FER: variants seen among roughly 807,000 people sequenced by gnomAD.
The protein encoded by FER is FER tyrosine kinase, also known as tyrosine-protein kinase Fer.
A neutral mutation model predicts 111.0 loss-of-function variants in FER; 63 were observed. That is an observed-to-expected ratio of 0.57 (90% confidence interval 0.46 to 0.70). The LOEUF is 0.70. FER is among the 30% of genes least tolerant of loss of function. The pLI is 0.00. For missense variants in FER, 914 were observed against 954.0 expected, an observed-to-expected ratio of 0.96 and a Z score of 0.55; for synonymous variants, 327 against 313.9, an observed-to-expected ratio of 1.04 and a Z score of -0.44.
intron 5 of FER, among the ~76,000 whole-genome samples, chr5:108,837,496 T>C (rs1760791304): frequency 6.6e-6 from 1 of 152,212 alleles, no homozygotes; most frequent in Non-Finnish European, 1.5e-5. Flanking sequence ...GCTAGCATTC[T>C]CAAGTTAATT....
intron 10 of FER, among the ~76,000 whole-genome samples, chr5:108,934,868 A>C (rs1184949086): frequency 6.6e-6 from 1 of 152,136 alleles, no homozygotes; most frequent in Non-Finnish European, 1.5e-5. Context: ...GTTAGAGATA[A>C]TGTTCTAAAA....
intron 1 of FER, among the ~76,000 whole-genome samples, chr5:108,757,797 G>A (rs1207920364): frequency 6.6e-6 from 1 of 152,156 alleles, no homozygotes; most frequent in Non-Finnish European, 1.5e-5. Flanking sequence ...AAACAACAGT[G>A]TCCTAACTTC....
At chr5:108,795,583 T>C (rs1755929335) in intron 2 of FER, among the ~76,000 whole-genome samples, 1 of 152,118 alleles carries the variant, frequency 6.6e-6, no homozygotes, top group African/African-American at 2.4e-5. Context: ...TCTGACTATT[T>C]TTAAATAGTC....
chr5:109,166,290 A>G (rs559652783), intron 17 of FER, among the ~76,000 whole-genome samples: 3 of 152,250 alleles, frequency 2.0e-5, no homozygotes, highest in African/African-American at 7.2e-5. Flanking sequence ...TTTGTAACTC[A>G]TAACAAGCCG....
rs905403946 is a variant in FER, at chr5:109,189,003, T to C, written c.*1428T>C. 5.9e-5 allele frequency: 9 copies of C among 152,186 alleles called. No individual in the cohort carries two copies. Among genetic ancestry groups the C allele is most frequent in the Admixed American group, 5.9e-4 (9 of 15,264 alleles). 9.4% of individuals were successfully genotyped at this position (152,186 alleles called of 1,614,324 possible). On this transcript the variant is annotated 3_prime_UTR_variant, in exon 20 of 20. Transcript: ENST00000281092. ...GTGAATATTAATGAGAAATATGACA[T>C]AGGGACAGCCCTCCCATTTCTACTT...
At chr5:108,995,294 T>C (rs910946542) in intron 13 of FER, among the ~76,000 whole-genome samples, 1 of 152,106 alleles carries the variant, frequency 6.6e-6, no homozygotes, top group Admixed American at 6.5e-5. Flanking sequence ...TACTTTAAGT[T>C]CTGGGGTACA....
At chr5:108,994,916 A>G (rs114469607) in intron 13 of FER, among the ~76,000 whole-genome samples, 8,888 of 152,048 alleles carry the variant, frequency 0.058, 402 homozygotes, top group South Asian at 0.12. Flanking sequence ...TTGCTTGTCT[A>G]TTGTTGGTAT....
At chr5:108,961,830 T>A (rs1446976941) in intron 13 of FER, among the ~76,000 whole-genome samples, 1 of 152,226 alleles carries the variant, frequency 6.6e-6, no homozygotes. Context: ...TTATTTGTAC[T>A]CTTATAACTG....
chr5:108,803,298 G>GGTAGTTACTTTTGTT (rs1293483671), intron 3 of FER, among the ~76,000 whole-genome samples: 3 of 151,954 alleles, frequency 2.0e-5, no homozygotes, highest in Non-Finnish European at 2.9e-5. Context: ...TTACTCTGTT[G>GGTAGTTACTTTTGTT]GTAGTTACTT....
intron 9 of FER, among the ~76,000 whole-genome samples, chr5:108,892,949 G>C (rs929165142): frequency 1.6e-4 from 24 of 152,232 alleles, no homozygotes; most frequent in Admixed American, 1.1e-3. Context: ...GCTTGTTTTT[G>C]TCAGGTTTGT....
chr5:109,151,865 A>G (rs567330343), intron 17 of FER, among the ~76,000 whole-genome samples: 1 of 152,248 alleles, frequency 6.6e-6, no homozygotes, highest in South Asian at 2.1e-4. Flanking sequence ...AACTCGCAAA[A>G]TCAGAAAGCA....
intron 17 of FER, among the ~76,000 whole-genome samples, chr5:109,173,667 C>T (rs1431981742): frequency 6.6e-6 from 1 of 152,040 alleles, no homozygotes; most frequent in Non-Finnish European, 1.5e-5. Flanking sequence ...TCAGCCCTGT[C>T]CTCCTAATCC....
At chr5:109,148,649 A>G (rs889847799) in intron 17 of FER, among the ~76,000 whole-genome samples, 2 of 152,208 alleles carry the variant, frequency 1.3e-5, no homozygotes, top group African/African-American at 4.8e-5. Context: ...GTTTTTCACT[A>G]AAAGTGGTTA....
At chr5:108,947,717 G>A (rs1181629820) in intron 11 of FER, among the ~76,000 whole-genome samples, 1 of 150,520 alleles carries the variant, frequency 6.6e-6, no homozygotes, top group Non-Finnish European at 1.5e-5. Flanking sequence ...CCTTGACTGT[G>A]TGTGCTTTTG....
At chr5:108,803,984 G>A (rs1035061038) in intron 3 of FER, among the ~76,000 whole-genome samples, 3 of 152,070 alleles carry the variant, frequency 2.0e-5, no homozygotes, top group African/African-American at 7.2e-5. Context: ...TTTTCCATTT[G>A]TTTGTGTCAT....
chr5:108,915,189 T>C lies in FER; in HGVS notation c.1236+17341T>C, dbSNP rs150046467. ...CCTTAGTCATTACAAATAGCTACTT[T>C]TGGCCCGGCCCAGTGGCTCATGCCT... On this transcript the variant is annotated intron_variant, in intron 10 of 19. Transcript: ENST00000281092. Among the ~76,000 whole-genome samples, 163 of 152,238 alleles carry C rather than the reference T, an allele frequency of 1.1e-3. 1 individual carries two copies. Among genetic ancestry groups the C allele is most frequent in the African/African-American group, 3.8e-3 (158 of 41,562 alleles).
intron 1 of FER, among the ~76,000 whole-genome samples, chr5:108,754,861 GA>G (rs1474325680): frequency 6.6e-6 from 1 of 152,184 alleles, no homozygotes; most frequent in African/African-American, 2.4e-5. Context: ...GGCTCAGTCA[GA>G]AAAGTATCTT....
rs549441348 is a variant in FER, at chr5:108,770,492, T to C, written c.-60+2254T>C. On this transcript the variant is annotated intron_variant, in intron 2 of 19. Coordinates refer to ENST00000281092, the MANE Select transcript of FER (RefSeq NM_005246.4). ...AAAGATTTCCTTTTTTCTTTCTTTA[T>C]GGGACAGAGTCTCGCTGTATTGCCC... 6.6e-5 allele frequency among the ~76,000 whole-genome samples: 10 copies of C among 152,346 alleles called. No homozygotes were observed. The East Asian group carries it at 1.9e-3, about 29-fold the overall frequency.
intron 18 of FER, among the ~76,000 whole-genome samples, chr5:109,183,998 T>A (rs184433612): frequency 0.024 from 3,594 of 151,452 alleles, 69 homozygotes; most frequent in East Asian, 0.075. Flanking sequence ...TCATATACTT[T>A]AAAAAAAAAT....
Sources: allele counts gnomAD v4.1 joint callset (sites outside exome capture counted in the v4.1 genomes callset), GRCh38; gene constraint gnomAD v4.1.1; transcripts MANE v1.5; gene names NCBI Gene and HGNC (gene_info 2026-07-23, HGNC 2026-07-21).